GABRB1: variants seen among roughly 807,000 people sequenced by gnomAD.
GABRB1 encodes the protein gamma-aminobutyric acid type A receptor subunit beta1, also known as gamma-aminobutyric acid receptor subunit beta-1.
GABRB1 carries 17 observed loss-of-function variants against 51.6 expected under a neutral mutation model. That is an observed-to-expected ratio of 0.33 (90% CI 0.23 to 0.49). The LOEUF is 0.49. GABRB1 is among the 20% of genes least tolerant of loss of function. The pLI is 0.99. For synonymous variants in GABRB1, 247 were observed against 218.9 expected (o/e 1.13, Z -1.14); for missense variants, 410 against 600.6 (o/e 0.68, Z 3.32).
chr4:47,246,031 T>G (rs1437634000), intron 4 of GABRB1, among the ~76,000 whole-genome samples: 1 of 150,562 alleles, frequency 6.6e-6, no homozygotes, highest in African/African-American at 2.4e-5. Flanking sequence ...CAGTATACAC[T>G]GCACCATATT....
intron 3 of GABRB1, among the ~76,000 whole-genome samples, chr4:47,106,166 G>C (rs924601510): frequency 6.6e-6 from 1 of 151,922 alleles, no homozygotes; most frequent in Non-Finnish European, 1.5e-5. Context: ...GTTTTTATTT[G>C]ATCCATACAG....
chr4:47,063,107 T>A (rs945983795), intron 3 of GABRB1, among the ~76,000 whole-genome samples: 1 of 152,076 alleles, frequency 6.6e-6, no homozygotes, highest in Non-Finnish European at 1.5e-5. Context: ...CCCTAAGCAA[T>A]CCCTCTGTGG....
At chr4:47,396,216 A>G (rs1187367157) in intron 5 of GABRB1, among the ~76,000 whole-genome samples, 1 of 152,190 alleles carries the variant, frequency 6.6e-6, no homozygotes, top group East Asian at 1.9e-4. Context: ...GCAGGTGAAG[A>G]GAGAGAGAAT....
Position 47,390,142 on chromosome 4 carries a change from C to T in GABRB1, c.545-13176C>T, listed in dbSNP as rs141647997. 2.0e-4 allele frequency among the ~76,000 whole-genome samples: 30 copies of T among 152,340 alleles called. No individual in the cohort carries two copies. The Middle Eastern group carries it at 0.014, about 69-fold the overall frequency. The stretch of plus-strand genomic sequence containing the variant: ...TTTGGGACTGGATCAACTTGGATCA[C>T]ATGCCTATTGCCAAGCAACTAATTT... On this transcript the variant is annotated intron_variant, in intron 5 of 8. Transcript: ENST00000295454.
intron 8 of GABRB1, among the ~76,000 whole-genome samples, chr4:47,418,562 A>T (rs1729001504): frequency 6.6e-6 from 1 of 152,232 alleles, no homozygotes; most frequent in Non-Finnish European, 1.5e-5. Flanking sequence ...CTAGTGTTTG[A>T]CCTAGCAACT....
At chr4:47,137,686 T>TCGG (rs1357375626) in intron 3 of GABRB1, among the ~76,000 whole-genome samples, 5 of 152,256 alleles carry the variant, frequency 3.3e-5, no homozygotes, top group Admixed American at 1.3e-4. Flanking sequence ...AATCAGAGTA[T>TCGG]CTACCAAATG....
At chr4:47,034,056 A>G (rs1323831265) in intron 3 of GABRB1, among the ~76,000 whole-genome samples, 1 of 152,194 alleles carries the variant, frequency 6.6e-6, no homozygotes, top group Non-Finnish European at 1.5e-5. Flanking sequence ...AAGTTGTATC[A>G]TGTAGATTAA....
chr4:47,049,346 A>G (rs748577409), intron 3 of GABRB1, among the ~76,000 whole-genome samples: 1 of 152,286 alleles, frequency 6.6e-6, no homozygotes, highest in African/African-American at 2.4e-5. Context: ...TACGTCAACA[A>G]CAGAAGGGGA....
At chr4:47,009,715 G>T (rs1724533477) in intron 1 of GABRB1, among the ~76,000 whole-genome samples, 2 of 152,298 alleles carry the variant, frequency 1.3e-5, no homozygotes, top group South Asian at 4.1e-4. Context: ...AATTGGTTGA[G>T]GTGATTTAAG....
intron 7 of GABRB1, among the ~76,000 whole-genome samples, chr4:47,405,509 A>G (rs1434014178): frequency 6.6e-6 from 1 of 152,096 alleles, no homozygotes; most frequent in Admixed American, 6.6e-5. Context: ...TTTAAATGCT[A>G]TTGTGTAACA....
At chr4:47,282,400 A>G (rs898495214) in intron 4 of GABRB1, among the ~76,000 whole-genome samples, 2 of 152,178 alleles carry the variant, frequency 1.3e-5, no homozygotes, top group Admixed American at 6.5e-5. Flanking sequence ...CATGCATGCT[A>G]GCACATATAT....
At chr4:47,250,832 A>T (rs1013279281) in intron 4 of GABRB1, among the ~76,000 whole-genome samples, 3 of 152,030 alleles carry the variant, frequency 2.0e-5, no homozygotes, top group African/African-American at 7.2e-5. Flanking sequence ...ATTTCCTTGA[A>T]TGGTTCTCCC....
At chr4:47,121,057 A>C (rs1046261797) in intron 3 of GABRB1, among the ~76,000 whole-genome samples, 3 of 152,160 alleles carry the variant, frequency 2.0e-5, no homozygotes, top group Non-Finnish European at 4.4e-5. Flanking sequence ...ATTGTAACTT[A>C]GACTACCATT....
At chr4:47,158,130 T>A (rs1377574476) in intron 3 of GABRB1, among the ~76,000 whole-genome samples, 3 of 152,090 alleles carry the variant, frequency 2.0e-5, no homozygotes, top group Non-Finnish European at 4.4e-5. Context: ...TCTATACCCA[T>A]ACACGCACAC....
Position 47,108,004 on chromosome 4 carries a change from AC to A in GABRB1, c.241-53243del, listed in dbSNP as rs550093953. Reference sequence around the variant, plus strand: ...TGTTGTTATTTCCCATTATTAGGGAACCAGTAATTGTGTTCATAATAAACCA... The same window carrying A: ...TGTTGTTATTTCCCATTATTAGGGAACAGTAATTGTGTTCATAATAAACCA... On this transcript the variant is annotated intron_variant, in intron 3 of 8. Coordinates refer to ENST00000295454, the MANE Select transcript of GABRB1 (RefSeq NM_000812.4). Among the ~76,000 whole-genome samples, 3 of 152,158 alleles carry A rather than the reference AC, an allele frequency of 2.0e-5. No homozygotes were observed. In the East Asian group the frequency reaches 5.8e-4, roughly 29 times the overall value.
intron 8 of GABRB1, among the ~76,000 whole-genome samples, chr4:47,414,801 T>G (rs931851126): frequency 6.6e-6 from 1 of 152,194 alleles, no homozygotes; most frequent in African/African-American, 2.4e-5. Flanking sequence ...AATTCCAGGA[T>G]GCAATGTGCA....
At chr4:47,330,254 G>C (rs531155003) in intron 5 of GABRB1, among the ~76,000 whole-genome samples, 3 of 152,142 alleles carry the variant, frequency 2.0e-5, no homozygotes, top group Admixed American at 6.6e-5. Context: ...TGATTTAAAT[G>C]TTAATCTCCT....
At chr4:47,155,727 G>T (rs1717661289) in intron 3 of GABRB1, among the ~76,000 whole-genome samples, 1 of 151,478 alleles carries the variant, frequency 6.6e-6, no homozygotes, top group African/African-American at 2.4e-5. Context: ...ATAATTAATG[G>T]ATTTTAATAA....
chr4:47,380,993 G>A (rs1324716945), intron 5 of GABRB1, among the ~76,000 whole-genome samples: 1 of 152,086 alleles, frequency 6.6e-6, no homozygotes, highest in African/African-American at 2.4e-5. Flanking sequence ...ACACCAGGAT[G>A]GTTTATGTTT....
Sources: allele counts gnomAD v4.1 joint callset (sites outside exome capture counted in the v4.1 genomes callset), GRCh38; gene constraint gnomAD v4.1.1; transcripts MANE v1.5; gene names NCBI Gene and HGNC (gene_info 2026-07-23, HGNC 2026-07-21).